Variants in CACNA1A observed in about 807,000 individuals in gnomAD.
CACNA1A encodes calcium voltage-gated channel subunit alpha1 A.
A neutral mutation model predicts 262.4 loss-of-function variants in CACNA1A; 57 were observed. That is an observed-to-expected ratio of 0.22 (90% CI 0.18 to 0.27). The LOEUF is 0.27. CACNA1A is among the 10% of genes least tolerant of loss of function. The probability of loss-of-function intolerance (pLI) is 1.00; values close to 1 mark genes in which losing one functional copy is unlikely to be tolerated. For missense variants in CACNA1A, 2,526 were observed against 3,562.8 expected (o/e 0.71, Z 7.41); for synonymous variants, 1,431 against 1,419.3 (o/e 1.01, Z -0.18).
chr19:13,438,802 T>C (rs933468334), intron 3 of CACNA1A, among the ~76,000 whole-genome samples: 1 of 152,192 alleles, frequency 6.6e-6, no homozygotes, highest in Non-Finnish European at 1.5e-5. Flanking sequence ...CAAAGGAGCA[T>C]ACAGAAGAGG....
intron 3 of CACNA1A, chr19:13,451,824 G>A (rs1442786852): frequency 1.3e-5 from 2 of 151,848 alleles, no homozygotes; most frequent in East Asian, 3.9e-4. Flanking sequence ...CATTGGAGGA[G>A]ATGAGCCTGT....
intron 32 of CACNA1A, 131 bp from the exon 33 acceptor site, chr19:13,235,405 T>C: frequency 1.1e-6 from 1 of 924,350 alleles, no homozygotes; most frequent in Non-Finnish European, 1.7e-6. Flanking sequence ...CTTCCAGGGC[T>C]GGTGGGCATC....
At position 13,506,301 on chromosome 19, in the gene CACNA1A, T is replaced by C. The variant is rs1001562607; in HGVS notation, c.-77A>G. 56 of 1,209,618 alleles carry C rather than the reference T, an allele frequency of 4.6e-5. No homozygotes were observed. In the East Asian group the frequency reaches 4.7e-4, roughly 10 times the overall value. 74.9% of individuals were successfully genotyped at this position (1,209,618 alleles called of 1,614,324 possible). A position where few individuals can be genotyped will look rare whatever the true frequency, so the allele number is the denominator to read the frequency against. On this transcript the variant is annotated 5_prime_UTR_variant, in exon 1 of 47. Transcript: ENST00000360228. ...ACGCCGCCGCCGCCGCCGCCGCCGC[T>C]GATGCTGAGGCTGCCGGGGCTGGGA...
chr19:13,464,975 C>T (rs1263308493), intron 1 of CACNA1A, among the ~76,000 whole-genome samples: 1 of 152,058 alleles, frequency 6.6e-6, no homozygotes, highest in Non-Finnish European at 1.5e-5. Context: ...GCCACCCAGG[C>T]TGGAGTGCAA....
At chr19:13,457,269 AAAC>A (rs777230815) in intron 1 of CACNA1A, among the ~76,000 whole-genome samples, 2 of 152,026 alleles carry the variant, frequency 1.3e-5, no homozygotes, top group East Asian at 1.9e-4. Context: ...ACAACAACAA[AAAC>A]AACAACAACA....
At chr19:13,369,740 G>A (rs2086246393) in intron 4 of CACNA1A, among the ~76,000 whole-genome samples, 1 of 152,216 alleles carries the variant, frequency 6.6e-6, no homozygotes, top group Non-Finnish European at 1.5e-5. Flanking sequence ...CTAGCCTCAG[G>A]CAATCGTCCT....
chr19:13,294,880 C>T lies in CACNA1A; in HGVS notation c.3089+3664G>A, dbSNP rs2144932403. Among the ~76,000 whole-genome samples, 2 of 152,264 alleles carry T rather than the reference C, an allele frequency of 1.3e-5. 1 individual carries two copies. The highest frequency in any genetic ancestry group is 4.1e-4 in the South Asian group (2 of 4,826). ...ACTCCCGTTTTGATCTCTCATTCCC[C>T]TGAGTGACTGACAGCCCCAGAGTCT... On this transcript the variant is annotated intron_variant, in intron 19 of 46. Transcript: ENST00000360228.
In CACNA1A at chr19:13,207,915, C is replaced by T. The variant is rs1356725305; in HGVS notation, c.6919G>A (p.Gly2307Ser). 10 of 1,422,230 alleles carry T rather than the reference C, an allele frequency of 7.0e-6. 1 individual carries two copies. Among genetic ancestry groups the T allele is most frequent in the African/African-American group, 4.6e-5 (3 of 65,312 alleles). The allele number at this position is 1,422,230 out of a possible 1,614,324, so 88.1% of individuals were successfully genotyped here. A position where few individuals can be genotyped will look rare whatever the true frequency, so the allele number is the denominator to read the frequency against. ...TGCTGCTGCGGGGGCCCCGAGCCGCCGGCCTTACGGATCACAGGGGAATAG... is the reference window on the plus strand; with the variant it reads ...TGCTGCTGCGGGGGCCCCGAGCCGCTGGCCTTACGGATCACAGGGGAATAG... ...VSYSPVIRKA[G>S]GSGPPQQQQQ... Residue 2307 changes from glycine (G) to serine (S), a missense_variant, in exon 47 of 47, where the codon GGC becomes AGC. Coordinates refer to ENST00000360228, the MANE Select transcript of CACNA1A (RefSeq NM_001127222.2). The surrounding 1 kb of genome is among the most constrained non-coding windows in gnomAD (Gnocchi z 5.7).
chr19:13,489,667 C>T (rs1232252809), intron 1 of CACNA1A, among the ~76,000 whole-genome samples: 2 of 152,172 alleles, frequency 1.3e-5, no homozygotes, highest in African/African-American at 4.8e-5. Context: ...TTGGGTCCTC[C>T]ACCTTTCCTT....
intron 24 of CACNA1A, among the ~76,000 whole-genome samples, chr19:13,265,171 G>A (rs150979452): frequency 0.017 from 2,654 of 152,274 alleles, 19 homozygotes; most frequent in African/African-American, 0.024. Flanking sequence ...ACCGCACCTG[G>A]CCATTTCCCC....
intron 5 of CACNA1A, chr19:13,363,128 T>G (rs1404585425): frequency 1.3e-5 from 2 of 152,206 alleles, no homozygotes; most frequent in Non-Finnish European, 2.9e-5. Context: ...TCCCCTCTGG[T>G]GGCACCACCC....
At chr19:13,248,409 CAAAA>C (rs61481896) in intron 30 of CACNA1A, among the ~76,000 whole-genome samples, 3 of 58,844 alleles carry the variant, frequency 5.1e-5, no homozygotes, top group African/African-American at 1.9e-4. Context: ...GATCCCATCT[CAAAA>C]AAAAAAAAAA....
chr19:13,458,922 C>T (rs2061065575), intron 1 of CACNA1A, among the ~76,000 whole-genome samples: 1 of 152,150 alleles, frequency 6.6e-6, no homozygotes, highest in South Asian at 2.1e-4. Context: ...TTGGTTACTC[C>T]GGAGCAGGAT....
At chr19:13,423,573 G>A (rs1599421663) in intron 3 of CACNA1A, among the ~76,000 whole-genome samples, 1 of 152,022 alleles carries the variant, frequency 6.6e-6, no homozygotes, top group Admixed American at 6.6e-5. Flanking sequence ...GTGCAGTGGT[G>A]CAATCTTGGC....
intron 24 of CACNA1A, chr19:13,271,220 T>TTTTG (rs1288013752): frequency 3.0e-4 from 28 of 92,290 alleles, no homozygotes; most frequent in African/African-American, 1.2e-3. Flanking sequence ...TGCTGTTTTT[T>TTTTG]TTTTTTTTTT....
intron 1 of CACNA1A, among the ~76,000 whole-genome samples, chr19:13,474,091 T>C: frequency 6.6e-6 from 1 of 152,230 alleles, no homozygotes. Flanking sequence ...CTTTTACTTT[T>C]GCAAACTCTA....
chr19:13,412,033 G>C (rs1460184020), intron 3 of CACNA1A, among the ~76,000 whole-genome samples: 1 of 151,450 alleles, frequency 6.6e-6, no homozygotes, highest in Non-Finnish European at 1.5e-5. Flanking sequence ...TTCTCTTAAA[G>C]TTCATACTCA....
chr19:13,279,786 C>T (rs1568488551), intron 22 of CACNA1A, among the ~76,000 whole-genome samples: 1 of 150,614 alleles, frequency 6.6e-6, no homozygotes, highest in Admixed American at 6.6e-5. Flanking sequence ...CCACTGTGCC[C>T]GGCCCACTGT....
intron 3 of CACNA1A, among the ~76,000 whole-genome samples, chr19:13,380,932 C>T (rs1359762015): frequency 6.6e-6 from 1 of 151,874 alleles, no homozygotes; most frequent in Non-Finnish European, 1.5e-5. Flanking sequence ...AGCCACCAAG[C>T]CCAGCTAATT....
Sources: gnomAD v4.1 joint callset for allele counts (sites outside exome capture counted in the v4.1 genomes callset) on GRCh38, gnomAD v4.1.1 for gene constraint, Gnocchi (gnomAD v3.1) non-coding constraint, MANE v1.5 for transcripts, NCBI Gene and HGNC (gene_info 2026-07-23, HGNC 2026-07-21) for gene names.